Variants in ZMYM2 observed in about 807,000 individuals in gnomAD.
The protein encoded by ZMYM2 is zinc finger MYM-type protein 2.
ZMYM2 carries 56 observed loss-of-function variants against 162.8 expected under a neutral mutation model. The ratio of observed to expected loss-of-function variants is 0.34; its 90% CI spans 0.28 to 0.43. The LOEUF is 0.43. ZMYM2 is among the 20% of genes least tolerant of loss of function. ZMYM2 has a pLI of 1.00. For synonymous variants in ZMYM2, 510 were observed against 541.6 expected (o/e 0.94, Z 0.81); for missense variants, 1,275 against 1,621.8 (o/e 0.79, Z 3.67).
chr13:19,949,022 C>T, the ZMYM2 span, among the ~76,000 whole-genome samples: 6 of 152,076 alleles, frequency 3.9e-5, no homozygotes, highest in African/African-American at 1.2e-4. Context: ...ATAATCCCAG[C>T]TCTTTGGGAG....
chr13:20,046,345 TAGTCC>T (rs1288830353), intron 12 of ZMYM2, among the ~76,000 whole-genome samples: 1 of 151,442 alleles, frequency 6.6e-6, no homozygotes, highest in Non-Finnish European at 1.5e-5. Flanking sequence ...TTGGGAGTTC[TAGTCC>T]AGCCTGGGCA....
At chr13:19,935,329 G>T in the ZMYM2 span, among the ~76,000 whole-genome samples, 3 of 151,494 alleles carry the variant, frequency 2.0e-5, no homozygotes, top group African/African-American at 4.9e-5. Flanking sequence ...AGAGACAGGG[G>T]TCTCACCATA....
intron 12 of ZMYM2, among the ~76,000 whole-genome samples, chr13:20,042,686 A>G (rs150264197): frequency 2.1e-4 from 32 of 151,280 alleles, no homozygotes; most frequent in Non-Finnish European, 3.5e-4. Flanking sequence ...CATTCCTTCA[A>G]CCTTTGAAGT....
At chr13:20,001,159 A>C (rs994531708) in intron 3 of ZMYM2, among the ~76,000 whole-genome samples, 1 of 152,196 alleles carries the variant, frequency 6.6e-6, no homozygotes, top group Admixed American at 6.5e-5. Context: ...TGGGTGACTG[A>C]GGCAAATGGA....
Position 20,057,924 on chromosome 13 carries a change from C to T in ZMYM2, c.2494-651C>T, listed in dbSNP as rs546303618. On this transcript the variant is annotated intron_variant, in intron 14 of 24. Coordinates refer to ENST00000610343, the MANE Select transcript of ZMYM2 (RefSeq NM_197968.4). ...AGAGTACCTTATTTTTACTCCCTTA[C>T]GCTCATATCTTCCACTTATTTCAGA... 2.0e-4 allele frequency among the ~76,000 whole-genome samples: 30 copies of T among 152,238 alleles called. 1 individual carries two copies. Among genetic ancestry groups the T allele is most frequent in the South Asian group, 4.1e-4 (2 of 4,824 alleles).
the ZMYM2 span, among the ~76,000 whole-genome samples, chr13:19,949,302 G>A: frequency 3.3e-5 from 5 of 152,238 alleles, no homozygotes; most frequent in African/African-American, 7.2e-5. Flanking sequence ...TAGCTATTCC[G>A]GAGGCTGAGG....
chr13:19,954,330 G>GTTAGCCAGTA (rs759697323), upstream of ZMYM2, among the ~76,000 whole-genome samples: 2 of 150,942 alleles, frequency 1.3e-5, no homozygotes, highest in Non-Finnish European at 3.0e-5. Context: ...GGGTTTCACC[G>GTTAGCCAGTA]TGGTCTCGAT....
At chr13:20,040,144 A>T (rs888482064) in intron 12 of ZMYM2, among the ~76,000 whole-genome samples, 28 of 152,280 alleles carry the variant, frequency 1.8e-4, no homozygotes, top group Admixed American at 5.9e-4. Context: ...ATTTTTTGGA[A>T]TAGTTTCAGT....
chr13:19,978,570 C>T (rs1956997011), intron 2 of ZMYM2, among the ~76,000 whole-genome samples: 1 of 151,980 alleles, frequency 6.6e-6, no homozygotes, highest in Admixed American at 6.6e-5. Flanking sequence ...GCATGTGCCA[C>T]CACGCCAGCT....
chr13:19,996,106 C>T (rs1950001049), intron 3 of ZMYM2, among the ~76,000 whole-genome samples: 1 of 152,194 alleles, frequency 6.6e-6, no homozygotes, highest in Middle Eastern at 3.2e-3. Context: ...TTCTCTCTCA[C>T]ATGCCTCTCT....
the ZMYM2 span, among the ~76,000 whole-genome samples, chr13:19,899,956 C>T: frequency 2.5e-3 from 375 of 150,304 alleles, 1 homozygote; most frequent in African/African-American, 8.3e-3. Flanking sequence ...AATAACTAAA[C>T]TTAGAAATAA....
At chr13:20,083,279 C>T (rs1958029799) in intron 23 of ZMYM2, among the ~76,000 whole-genome samples, 2 of 152,140 alleles carry the variant, frequency 1.3e-5, no homozygotes, top group South Asian at 4.1e-4. Flanking sequence ...TGAGGCTGGT[C>T]TCGAACTCCC....
the ZMYM2 span, among the ~76,000 whole-genome samples, chr13:19,900,531 A>G: frequency 6.6e-6 from 1 of 152,156 alleles, no homozygotes; most frequent in Non-Finnish European, 1.5e-5. Context: ...ATTAACAAAT[A>G]CCAATACTTG....
intron 11 of ZMYM2, among the ~76,000 whole-genome samples, chr13:20,035,357 G>A (rs923375158): frequency 6.6e-6 from 1 of 152,050 alleles, no homozygotes; most frequent in Non-Finnish European, 1.5e-5. Context: ...TATAAAACAA[G>A]GCATTCCTAT....
chr13:19,902,895 G>A, the ZMYM2 span, among the ~76,000 whole-genome samples: 1 of 152,072 alleles, frequency 6.6e-6, no homozygotes, highest in South Asian at 2.1e-4. Flanking sequence ...GGTGGCTCAC[G>A]CCTGTAATCC....
At chr13:19,883,916 C>A in the ZMYM2 span, among the ~76,000 whole-genome samples, 2 of 152,220 alleles carry the variant, frequency 1.3e-5, no homozygotes, top group Non-Finnish European at 2.9e-5. Flanking sequence ...ACCCCCACAT[C>A]TGGCTAATTT....
At chr13:19,950,834 G>A in the ZMYM2 span, among the ~76,000 whole-genome samples, 2 of 152,244 alleles carry the variant, frequency 1.3e-5, no homozygotes, top group East Asian at 1.9e-4. Context: ...TTTATTGATG[G>A]GAAGGATCTT....
chr13:19,960,810 A>C (rs1955126368), intron 2 of ZMYM2, among the ~76,000 whole-genome samples: 1 of 152,186 alleles, frequency 6.6e-6, no homozygotes, highest in Non-Finnish European at 1.5e-5. Flanking sequence ...TGAAGTCAGC[A>C]CTCTGGACAC....
intron 21 of ZMYM2, among the ~76,000 whole-genome samples, chr13:20,075,947 C>T (rs1455200477): frequency 6.6e-6 from 1 of 152,046 alleles, no homozygotes; most frequent in East Asian, 1.9e-4. Context: ...CCCCCCACCT[C>T]AGCCTCCCAA....
Sources: allele counts gnomAD v4.1 joint callset (sites outside exome capture counted in the v4.1 genomes callset), GRCh38; gene constraint gnomAD v4.1.1; transcripts MANE v1.5; gene names NCBI Gene and HGNC (gene_info 2026-07-23, HGNC 2026-07-21).